MOSMO: variants seen among roughly 807,000 people sequenced by gnomAD.
MOSMO encodes the protein modulator of smoothened protein.
Under a neutral mutation model 18.4 loss-of-function variants are expected in MOSMO, and 5 were observed. The ratio of observed to expected loss-of-function variants is 0.27; its 90% CI spans 0.14 to 0.57. The LOEUF (loss-of-function observed/expected upper bound fraction) is 0.57, where lower values mean the gene tolerates loss of function less well. Ranked by LOEUF, MOSMO falls within the 20% of genes least tolerant of loss-of-function variation. MOSMO has a pLI of 0.92. For missense variants in MOSMO, 138 were observed against 211.8 expected, an observed-to-expected ratio of 0.65 and a Z score of 2.16; for synonymous variants, 82 against 82.3, an observed-to-expected ratio of 1.00 and a Z score of 0.02.
chr16:22,074,682 A>C (rs1900929006), intron 1 of MOSMO, among the ~76,000 whole-genome samples: 1 of 152,222 alleles, frequency 6.6e-6, no homozygotes, highest in African/African-American at 2.4e-5. Flanking sequence ...TGACATGAGA[A>C]CATCCTTATG....
intron 1 of MOSMO, among the ~76,000 whole-genome samples, chr16:22,013,381 G>A (rs528253009): frequency 6.6e-6 from 1 of 152,204 alleles, no homozygotes; most frequent in East Asian, 1.9e-4. Flanking sequence ...ATTCTTCAGT[G>A]GCTGGAGGTT....
intron 1 of MOSMO, among the ~76,000 whole-genome samples, chr16:22,065,201 T>A (rs1316026905): frequency 6.6e-6 from 1 of 152,154 alleles, no homozygotes; most frequent in Non-Finnish European, 1.5e-5. Flanking sequence ...GCCTCCAAAC[T>A]ACAGTCATGC....
chr16:22,010,963 T>G (rs1899515045), intron 1 of MOSMO, among the ~76,000 whole-genome samples: 3 of 151,674 alleles, frequency 2.0e-5, no homozygotes, highest in African/African-American at 4.8e-5. Context: ...AAGCTCCTCT[T>G]GTATTCAGAA....
chr16:22,020,943 G>A (rs1286406107), intron 1 of MOSMO, among the ~76,000 whole-genome samples: 2 of 152,076 alleles, frequency 1.3e-5, no homozygotes, highest in Non-Finnish European at 2.9e-5. Flanking sequence ...TACGGAGATT[G>A]TATGTGTAAG....
At chr16:22,063,790 A>G (rs1295863793) in intron 1 of MOSMO, among the ~76,000 whole-genome samples, 2 of 152,188 alleles carry the variant, frequency 1.3e-5, no homozygotes, top group Non-Finnish European at 2.9e-5. Flanking sequence ...ACCTCCCATG[A>G]AAGTCCTTAG....
rs577787566 is a variant in MOSMO at position 22,018,969 on chromosome 16, T to TAGTAA, written c.106+10563_106+10564insGTAAA. Among the ~76,000 whole-genome samples the TAGTAA allele has an allele frequency of 2.3e-3, 357 of 152,370 alleles. 4 individuals are homozygous for TAGTAA. The highest frequency in any genetic ancestry group is 4.0e-4 in the Non-Finnish European group (27 of 68,038). On this transcript the variant is annotated intron_variant, in intron 1 of 2. Transcript: ENST00000542527. ...GAACAAATAGAATAATAAATACTTG[T>TAGTAA]ATAGCATTTACTTTGTGACAGATTC...
Position 22,080,746 on chromosome 16 carries a change from A to C in MOSMO, c.370A>C (p.Asn124His), listed in dbSNP as rs72784938. 0.044 allele frequency: 66,436 copies of C among 1,502,748 alleles called. 1,608 individuals carry two copies. Among genetic ancestry groups the C allele is most frequent in the Non-Finnish European group, 0.052 (58,705 of 1,132,616 alleles). 93.1% of individuals were successfully genotyped at this position (1,502,748 alleles called of 1,614,324 possible). ...AATATTTCCAATAGGATTTTACATC[A>C]ATGAAGTCGGAGGTCAACCTTATAA... ...ALIFPIGFYI[N>H]EVGGQPYKLP... Residue 124 changes from asparagine to histidine, a missense_variant, in exon 3 of 3, where the codon AAT becomes CAT. By Grantham distance (68) the Asn-to-His change is moderately conservative. Transcript: ENST00000542527.
intron 1 of MOSMO, among the ~76,000 whole-genome samples, chr16:22,038,716 AAG>A (rs1398550633): frequency 6.6e-6 from 1 of 152,220 alleles, no homozygotes; most frequent in African/African-American, 2.4e-5. Flanking sequence ...TGTACAGAAT[AAG>A]AGAGAGCCAG....
chr16:22,064,686 T>C (rs1247724781), intron 1 of MOSMO, among the ~76,000 whole-genome samples: 1 of 152,250 alleles, frequency 6.6e-6, no homozygotes, highest in Non-Finnish European at 1.5e-5. Flanking sequence ...TTAAATTTAA[T>C]GTGTAATATC....
intron 1 of MOSMO, among the ~76,000 whole-genome samples, chr16:22,036,251 G>C (rs888372960): frequency 1.3e-5 from 2 of 151,852 alleles, no homozygotes; most frequent in African/African-American, 4.8e-5. Context: ...TCAGCCTCTC[G>C]AGTAGCTGGG....
At chr16:22,029,952 T>A (rs1021850135) in intron 1 of MOSMO, among the ~76,000 whole-genome samples, 3 of 152,322 alleles carry the variant, frequency 2.0e-5, no homozygotes, top group Middle Eastern at 3.4e-3. Flanking sequence ...ACCAGATTGC[T>A]AAACAACTTC....
chr16:22,024,525 C>G (rs1899836542), intron 1 of MOSMO, among the ~76,000 whole-genome samples: 1 of 151,898 alleles, frequency 6.6e-6, no homozygotes, highest in Non-Finnish European at 1.5e-5. Flanking sequence ...TGCCACCACA[C>G]CCAGCTAATT....
At chr16:22,027,133 A>C (rs556065070) in intron 1 of MOSMO, among the ~76,000 whole-genome samples, 1 of 152,364 alleles carries the variant, frequency 6.6e-6, no homozygotes, top group African/African-American at 2.4e-5. Context: ...TTAATTTGAA[A>C]AAGTGCTTTA....
At chr16:22,031,878 G>T (rs548141052) in intron 1 of MOSMO, among the ~76,000 whole-genome samples, 2 of 152,296 alleles carry the variant, frequency 1.3e-5, no homozygotes, top group East Asian at 3.9e-4. Context: ...ACTTAGCAAT[G>T]AAATTGCTGA....
At chr16:22,092,043 C>G (rs189701042), downstream of MOSMO, among the ~76,000 whole-genome samples, 24 of 152,300 alleles carry the variant, frequency 1.6e-4, no homozygotes, top group East Asian at 4.0e-3. Flanking sequence ...TTAGGAACCA[C>G]TGTGGCAGAT....
intron 1 of MOSMO, among the ~76,000 whole-genome samples, chr16:22,034,908 A>G (rs1395267549): frequency 6.6e-6 from 1 of 150,798 alleles, no homozygotes; most frequent in Non-Finnish European, 1.5e-5. Context: ...TTTTGTTTGT[A>G]TTTTTTGTAG....
At chr16:22,064,802 C>A (rs1900718363) in intron 1 of MOSMO, among the ~76,000 whole-genome samples, 1 of 151,926 alleles carries the variant, frequency 6.6e-6, no homozygotes, top group Non-Finnish European at 1.5e-5. Flanking sequence ...AGTAAAAATA[C>A]AAAGGTTCTC....
At chr16:22,011,294 G>T (rs946283082) in intron 1 of MOSMO, among the ~76,000 whole-genome samples, 2 of 152,142 alleles carry the variant, frequency 1.3e-5, no homozygotes, top group African/African-American at 4.8e-5. Flanking sequence ...CAAGAATAAT[G>T]TAAAAGCCTC....
intron 1 of MOSMO, among the ~76,000 whole-genome samples, chr16:22,024,016 T>TATATATATATATATATATA (rs57968547): frequency 1.0e-4 from 15 of 145,556 alleles, no homozygotes; most frequent in East Asian, 4.8e-4. Flanking sequence ...TATATATATA[T>TATATATATATATATATATA]TTTCTTAAGA....
Sources: gnomAD v4.1 joint callset for allele counts (sites outside exome capture counted in the v4.1 genomes callset) on GRCh38, gnomAD v4.1.1 for gene constraint, MANE v1.5 for transcripts, NCBI Gene and HGNC (gene_info 2026-07-23, HGNC 2026-07-21) for gene names.